The following ANOS1 variants were observed in gnomAD, a reference collection of about 807,000 sequenced individuals.
ANOS1 encodes anosmin-1.
A neutral mutation model predicts 59.0 loss-of-function variants in ANOS1; 6 were observed. The ratio of observed to expected loss-of-function variants is 0.10; its 90% CI spans 0.06 to 0.20. ANOS1 has a LOEUF of 0.20. Ranked by LOEUF, ANOS1 falls within the 10% of genes least tolerant of loss-of-function variation. ANOS1 has a pLI of 1.00. For synonymous variants in ANOS1, 217 were observed against 223.4 expected (o/e 0.97, Z 0.25); for missense variants, 433 against 542.3 (o/e 0.80, Z 2.00).
rs1241301662 is a variant in ANOS1, at chrX:8,666,170, C to A, written c.255+33528G>T. On this transcript the variant is annotated intron_variant, in intron 2 of 13. Coordinates refer to ENST00000262648, the MANE Select transcript of ANOS1 (RefSeq NM_000216.4). The stretch of plus-strand genomic sequence containing the variant: ...ACAATCACGCCACTGGACTCTAGCC[C>A]AGGTGACAGAGCAACAACCTGTCTC... Among the ~76,000 whole-genome samples, 9 of 110,808 alleles carry A rather than the reference C, an allele frequency of 8.1e-5. No individual in the cohort carries two copies. The Admixed American group carries it at 8.7e-4, about 11-fold the overall frequency.
Position 8,600,239 on chromosome X carries a change from A to C in ANOS1, c.319-2983T>G, listed in dbSNP as rs187306524. ...TACCATGAGAATGTGTGCAGCACCA[A>C]ATTGTTATTGTTTCATAGTGACAAT... On this transcript the variant is annotated intron_variant, in intron 3 of 13. Transcript: ENST00000262648. Among the ~76,000 whole-genome samples, 4 of 112,402 alleles carry C rather than the reference A, an allele frequency of 3.6e-5. No homozygotes were observed. In the Admixed American group the frequency reaches 3.8e-4, roughly 11 times the overall value.
intron 3 of ANOS1, among the ~76,000 whole-genome samples, chrX:8,615,125 G>C (rs1410766400): frequency 9.0e-6 from 1 of 110,793 alleles, no homozygotes; most frequent in Non-Finnish European, 1.9e-5. Context: ...TCTCTTCATT[G>C]GTGCCCAAGT....
At chrX:8,623,425 G>A (rs1931331955) in intron 3 of ANOS1, among the ~76,000 whole-genome samples, 183 bp downstream of exon 3, 1 of 110,631 alleles carries the variant, frequency 9.0e-6, no homozygotes, top group African/African-American at 3.3e-5. Context: ...TGCAAGCAGT[G>A]GGTAGCCAGG....
At chrX:8,603,260 T>C (rs757249152) in intron 3 of ANOS1, among the ~76,000 whole-genome samples, 1 of 112,010 alleles carries the variant, frequency 8.9e-6, no homozygotes, top group Non-Finnish European at 1.9e-5. Flanking sequence ...TAAAGAAAAA[T>C]ATCTTTGAGG....
At chrX:8,627,858 G>A (rs1931422454) in intron 2 of ANOS1, among the ~76,000 whole-genome samples, 1 of 110,241 alleles carries the variant, frequency 9.1e-6, no homozygotes. Flanking sequence ...AAAAAAAAAG[G>A]TATGTCAAAA....
intron 4 of ANOS1, among the ~76,000 whole-genome samples, chrX:8,591,239 C>A (rs768881863): frequency 1.8e-5 from 2 of 111,226 alleles, no homozygotes; most frequent in South Asian, 7.7e-4. Flanking sequence ...ATATGCCAGA[C>A]AAATAGTTCT....
intron 2 of ANOS1, among the ~76,000 whole-genome samples, chrX:8,634,169 A>G (rs1402225790): frequency 9.0e-6 from 1 of 111,127 alleles, no homozygotes; most frequent in African/African-American, 3.3e-5. Flanking sequence ...GTTCTTAAGA[A>G]ATGCATGCTT....
At chrX:8,574,709 C>T (rs1314368360) in intron 6 of ANOS1, among the ~76,000 whole-genome samples, 2 of 111,892 alleles carry the variant, frequency 1.8e-5, no homozygotes, top group East Asian at 5.6e-4. Flanking sequence ...GCTGCACTGT[C>T]GGCTTCCCTA....
intron 2 of ANOS1, among the ~76,000 whole-genome samples, chrX:8,678,167 T>C (rs141851778): frequency 1.8e-3 from 207 of 112,335 alleles, no homozygotes; most frequent in African/African-American, 5.8e-3. Flanking sequence ...TTTGCAAGGG[T>C]TCATCCTACA....
At chrX:8,717,108 T>C (rs913476261) in intron 1 of ANOS1, among the ~76,000 whole-genome samples, 3 of 111,512 alleles carry the variant, frequency 2.7e-5, no homozygotes, top group East Asian at 2.8e-4. Context: ...AGTGTCATAG[T>C]TGACAAACCC....
At chrX:8,676,095 G>A (rs867205792) in intron 2 of ANOS1, among the ~76,000 whole-genome samples, 22 of 110,535 alleles carry the variant, frequency 2.0e-4, no homozygotes, top group South Asian at 7.6e-4. Context: ...TTCTTTATCC[G>A]GTGTATCATA....
chrX:8,577,699 C>T (rs1189210274), intron 6 of ANOS1, among the ~76,000 whole-genome samples: 1 of 112,329 alleles, frequency 8.9e-6, no homozygotes, highest in African/African-American at 3.2e-5. Flanking sequence ...TTTCAGGTTT[C>T]ATCACTTAAC....
At chrX:8,626,111 CAAAAAAA>C (rs138234272) in intron 2 of ANOS1, among the ~76,000 whole-genome samples, 1 of 24,520 alleles carries the variant, frequency 4.1e-5, no homozygotes, top group Non-Finnish European at 7.0e-5. Flanking sequence ...GACTCTGTCT[CAAAAAAA>C]AAAAAAAAAA....
rs1289050265 is a variant in ANOS1, at chrX:8,731,995, G to C, written c.42C>G (p.Leu14=). Residue 14 remains leucine, a synonymous_variant, in exon 1 of 14, where the codon CTC becomes CTG. Coordinates refer to ENST00000262648, the MANE Select transcript of ANOS1 (RefSeq NM_000216.4). ...GGCAGCCGCTGGAGGCCGCCAGCCA[G>C]AGGCAGAGGGTCAGGACCGCGCCGG... The part of the protein sequence containing the change: ...GVPGAVLTLC[L]WLAASSGCLA... 3 of 1,095,579 alleles carry C rather than the reference G, an allele frequency of 2.7e-6. No individual in the cohort carries two copies. Among genetic ancestry groups the C allele is most frequent in the Non-Finnish European group, 2.4e-6 (2 of 842,299 alleles). 90.3% of individuals were successfully genotyped at this position (1,095,579 alleles called of 1,213,427 possible).
chrX:8,719,609 A>G (rs931500642), intron 1 of ANOS1, among the ~76,000 whole-genome samples: 1 of 111,408 alleles, frequency 9.0e-6, no homozygotes, highest in African/African-American at 3.3e-5. Context: ...TCAAACTCCT[A>G]AACTCAGGCG....
At chrX:8,559,255 C>T (rs1396399926) in intron 8 of ANOS1, among the ~76,000 whole-genome samples, 1 of 111,927 alleles carries the variant, frequency 8.9e-6, no homozygotes. Context: ...TGCCATGTGA[C>T]GTGGTATTTT....
chrX:8,627,077 C>G (rs952507795), intron 2 of ANOS1, among the ~76,000 whole-genome samples: 1 of 111,985 alleles, frequency 8.9e-6, no homozygotes, highest in African/African-American at 3.2e-5. Context: ...GAAATGAATA[C>G]ATGACACTCT....
chrX:8,630,127 A>G (rs746781761), intron 2 of ANOS1, among the ~76,000 whole-genome samples: 1 of 112,241 alleles, frequency 8.9e-6, no homozygotes, highest in South Asian at 3.7e-4. Flanking sequence ...CATAAAATAA[A>G]CGAGTTAAGA....
chrX:8,629,866 C>T (rs1235590885), intron 2 of ANOS1, among the ~76,000 whole-genome samples: 2 of 112,309 alleles, frequency 1.8e-5, no homozygotes, highest in Non-Finnish European at 1.9e-5. Flanking sequence ...AAGTGGAACT[C>T]GTGATCAGAT....
Sources: allele counts gnomAD v4.1 joint callset (sites outside exome capture counted in the v4.1 genomes callset), GRCh38; gene constraint gnomAD v4.1.1; transcripts MANE v1.5; gene names NCBI Gene and HGNC (gene_info 2026-07-23, HGNC 2026-07-21).